The following CHCHD3 variants were observed in gnomAD, a reference collection of about 807,000 sequenced individuals.
CHCHD3 encodes coiled-coil-helix-coiled-coil-helix domain containing 3, also known as MICOS complex subunit MIC19.
In CHCHD3, 20 loss-of-function variants were observed where a neutral mutation model predicts 38.2. The observed-to-expected ratio is 0.52, with a 90% CI of 0.37 to 0.76. CHCHD3 has a LOEUF of 0.76. Among genes scored for constraint, CHCHD3 ranks in the 30% least tolerant of loss-of-function variants. The pLI is 0.00. For missense variants in CHCHD3, 245 were observed against 279.2 expected (o/e 0.88, Z 0.87); for synonymous variants, 82 against 100.0 (o/e 0.82, Z 1.07).
At chr7:132,926,877 G>A (rs1352070526) in intron 4 of CHCHD3, among the ~76,000 whole-genome samples, 3 of 151,986 alleles carry the variant, frequency 2.0e-5, no homozygotes, top group African/African-American at 4.8e-5. Flanking sequence ...CCATGGATGG[G>A]TGAATTTAAA....
intron 6 of CHCHD3, among the ~76,000 whole-genome samples, chr7:132,834,427 G>A (rs1807725470): frequency 6.6e-6 from 1 of 152,180 alleles, no homozygotes; most frequent in African/African-American, 2.4e-5. Context: ...TCTTCAAAGT[G>A]TGTTAAAACC....
intron 3 of CHCHD3, among the ~76,000 whole-genome samples, chr7:132,999,706 T>G (rs1025862259): frequency 6.6e-6 from 1 of 152,056 alleles, no homozygotes; most frequent in Admixed American, 6.6e-5. Context: ...TTTTAAGCAT[T>G]GATTAAAGTA....
At chr7:132,843,988 C>T (rs1412457072) in intron 5 of CHCHD3, among the ~76,000 whole-genome samples, 2 of 152,142 alleles carry the variant, frequency 1.3e-5, no homozygotes, top group Non-Finnish European at 2.9e-5. Context: ...ATTAAGATGA[C>T]CTTAAAAAGA....
chr7:132,843,911 T>G (rs927977685), intron 5 of CHCHD3, among the ~76,000 whole-genome samples: 1 of 152,216 alleles, frequency 6.6e-6, no homozygotes, highest in Admixed American at 6.5e-5. Context: ...CCAAAGAAGA[T>G]GTGTACATTC....
At chr7:132,878,766 G>A (rs1352262102) in intron 5 of CHCHD3, among the ~76,000 whole-genome samples, 2 of 152,146 alleles carry the variant, frequency 1.3e-5, no homozygotes, top group African/African-American at 2.4e-5. Context: ...TTCTGCCTTC[G>A]TGGAACTTCT....
chr7:132,943,678 G>GAA (rs1174562987), intron 4 of CHCHD3, among the ~76,000 whole-genome samples: 1 of 151,998 alleles, frequency 6.6e-6, no homozygotes, highest in Admixed American at 6.6e-5. Flanking sequence ...ACTATAAAAG[G>GAA]AAAAGACTGA....
intron 2 of CHCHD3, among the ~76,000 whole-genome samples, chr7:133,063,927 C>T (rs980500662): frequency 6.6e-6 from 1 of 152,146 alleles, no homozygotes; most frequent in Non-Finnish European, 1.5e-5. Flanking sequence ...CTCTAACCCC[C>T]CTCCCATCCC....
chr7:132,797,787 T>C (rs1806658208), intron 6 of CHCHD3, among the ~76,000 whole-genome samples: 1 of 152,084 alleles, frequency 6.6e-6, no homozygotes, highest in Non-Finnish European at 1.5e-5. Flanking sequence ...ATGAACCAAA[T>C]GAGTTATACG....
chr7:132,842,766 C>T (rs924186349), intron 5 of CHCHD3, among the ~76,000 whole-genome samples: 1 of 152,290 alleles, frequency 6.6e-6, no homozygotes, highest in Admixed American at 6.5e-5. Flanking sequence ...ATGCCTTTCT[C>T]CTGCCTGATT....
chr7:133,027,791 C>G (rs1312181238), intron 2 of CHCHD3, among the ~76,000 whole-genome samples: 2 of 152,076 alleles, frequency 1.3e-5, no homozygotes, highest in Non-Finnish European at 2.9e-5. Flanking sequence ...TATTAGAGCT[C>G]TTTATGAAAG....
chr7:133,069,016 C>A (rs1043049654), intron 2 of CHCHD3, among the ~76,000 whole-genome samples: 1 of 151,888 alleles, frequency 6.6e-6, no homozygotes, highest in East Asian at 1.9e-4. Context: ...ATTTCAAAAC[C>A]GTATATTGGG....
chr7:133,076,507 T>C (rs995933861), intron 1 of CHCHD3, among the ~76,000 whole-genome samples: 3 of 152,200 alleles, frequency 2.0e-5, no homozygotes, highest in African/African-American at 2.4e-5. Context: ...CTATTCTCTA[T>C]TGCTCCTAAA....
At chr7:133,062,226 C>T (rs1814538371) in intron 2 of CHCHD3, among the ~76,000 whole-genome samples, 1 of 151,996 alleles carries the variant, frequency 6.6e-6, no homozygotes, top group African/African-American at 2.4e-5. Flanking sequence ...ACATTTGAAA[C>T]TCCCTTGGGC....
chr7:133,011,084 C>T (rs1330402465), intron 3 of CHCHD3, among the ~76,000 whole-genome samples: 2 of 152,068 alleles, frequency 1.3e-5, no homozygotes, highest in Non-Finnish European at 2.9e-5. Flanking sequence ...ATATGAAGTG[C>T]AAATATTCTG....
chr7:133,071,261 T>C (rs2117540866), intron 1 of CHCHD3, among the ~76,000 whole-genome samples: 1 of 152,278 alleles, frequency 6.6e-6, no homozygotes, highest in East Asian at 1.9e-4. Flanking sequence ...ATCGCTATAC[T>C]CCCAGAGCCT....
chr7:132,879,863 T>A (rs574006218), intron 5 of CHCHD3, among the ~76,000 whole-genome samples: 41 of 151,794 alleles, frequency 2.7e-4, no homozygotes, highest in Admixed American at 1.7e-3. Flanking sequence ...CTTTAATGAC[T>A]ATAAATTTCT....
chr7:132,851,064 G>T (rs915267538), intron 5 of CHCHD3, among the ~76,000 whole-genome samples: 1 of 152,094 alleles, frequency 6.6e-6, no homozygotes, highest in Non-Finnish European at 1.5e-5. Context: ...ATGGAAAGAG[G>T]TCTAAGAAGA....
chr7:132,789,484 A>T (rs1806405791), intron 7 of CHCHD3, among the ~76,000 whole-genome samples: 1 of 152,192 alleles, frequency 6.6e-6, no homozygotes, highest in South Asian at 2.1e-4. Flanking sequence ...GCGCCCCTGG[A>T]GACCTGAGAT....
At chr7:132,820,611 GTTTTT>G (rs748470167) in intron 6 of CHCHD3, among the ~76,000 whole-genome samples, 6 of 96,188 alleles carry the variant, frequency 6.2e-5, no homozygotes, top group South Asian at 8.0e-4. Context: ...ATGTGCTAGT[GTTTTT>G]TTTTTTTTTT....
Sources: allele counts gnomAD v4.1 joint callset (sites outside exome capture counted in the v4.1 genomes callset), GRCh38; gene constraint gnomAD v4.1.1; transcripts MANE v1.5; gene names NCBI Gene and HGNC (gene_info 2026-07-23, HGNC 2026-07-21).